Variants in TMEM74 observed in about 807,000 individuals in gnomAD.
TMEM74 encodes transmembrane protein 74.
A neutral mutation model predicts 18.1 loss-of-function variants in TMEM74; 13 were observed. The ratio of observed to expected loss-of-function variants is 0.72; its 90% CI spans 0.47 to 1.14. The LOEUF (loss-of-function observed/expected upper bound fraction) is 1.14. TMEM74 is among the 50% of genes most tolerant of loss of function. The pLI, the probability that TMEM74 is intolerant of heterozygous loss-of-function variation, is 0.00. For missense variants in TMEM74, 372 were observed against 375.9 expected (o/e 0.99, Z 0.09); for synonymous variants, 159 against 146.6 (o/e 1.08, Z -0.61).
intron 1 of TMEM74, among the ~76,000 whole-genome samples, chr8:108,726,742 C>T (rs914648069): frequency 1.3e-5 from 2 of 151,604 alleles, no homozygotes; most frequent in African/African-American, 4.9e-5. Context: ...TATATCAGTG[C>T]CAAAATAGAC....
Position 108,712,768 on chromosome 8 carries a change from C to T in TMEM74, n.120-57331G>A, listed in dbSNP as rs567015543. On this transcript the variant is annotated intron_variant and non_coding_transcript_variant, in intron 1 of 3. Transcript: ENST00000518838. ...TTTAATACAAGATGAAAACTCATAA[C>T]AAGCCTGTCAACTAAAACCAGGAAT... is the stretch of plus-strand genomic sequence containing the variant. 3.7e-4 allele frequency among the ~76,000 whole-genome samples: 57 copies of T among 152,192 alleles called. No homozygotes were observed. In the South Asian group the frequency reaches 6.4e-3, roughly 17 times the overall value.
intron 2 of TMEM74, among the ~76,000 whole-genome samples, chr8:108,614,209 G>A (rs1812361703): frequency 6.6e-6 from 1 of 152,014 alleles, no homozygotes; most frequent in Non-Finnish European, 1.5e-5. Flanking sequence ...AACAATTTCA[G>A]TTCAACATAT....
chr8:108,636,387 C>A (rs948401108), intron 2 of TMEM74, among the ~76,000 whole-genome samples: 5 of 152,032 alleles, frequency 3.3e-5, no homozygotes, highest in Admixed American at 6.6e-5. Context: ...CCATCAATGA[C>A]AAGTTTTTAA....
At position 108,709,808 on chromosome 8, in the gene TMEM74, G is replaced by A. The variant is rs140977402; in HGVS notation, n.120-54371C>T. Among the ~76,000 whole-genome samples the A allele has an allele frequency of 7.1e-3, 1,088 of 152,296 alleles. 9 individuals are homozygous for A. The highest frequency in any genetic ancestry group is 0.011 in the Non-Finnish European group (759 of 68,022). On this transcript the variant is annotated intron_variant and non_coding_transcript_variant, in intron 1 of 3. Coordinates refer to the TMEM74 transcript ENST00000518838. ...CCTTGATGTGGTGATGGTATATTGT[G>A]TTTGGATTGTCCAAACTCTTCAAAT...
chr8:108,659,805 T>C (rs1394129818), intron 1 of TMEM74, among the ~76,000 whole-genome samples: 2 of 152,052 alleles, frequency 1.3e-5, no homozygotes, highest in South Asian at 2.1e-4. Context: ...AGTTGTCAGC[T>C]CCCACAGGTT....
At chr8:108,660,993 A>G (rs1056641484) in intron 1 of TMEM74, among the ~76,000 whole-genome samples, 1 of 152,170 alleles carries the variant, frequency 6.6e-6, no homozygotes, top group Non-Finnish European at 1.5e-5. Context: ...GTGGTTTAGT[A>G]TTAAAAAGCA....
Position 108,753,534 on chromosome 8 carries a change from A to T in TMEM74, n.119+33942T>A, listed in dbSNP as rs145992406. On this transcript the variant is annotated intron_variant and non_coding_transcript_variant, in intron 1 of 3. Transcript: ENST00000518838. ...ACTTTAGGTGTTTCTTATTTGAAAT[A>T]ATTTCCTTATTTTATCTTTCAATAT... 1.8e-3 allele frequency among the ~76,000 whole-genome samples: 277 copies of T among 152,182 alleles called. 1 individual carries two copies. The highest frequency in any genetic ancestry group is 2.0e-3 in the Non-Finnish European group (136 of 67,988).
At chr8:108,715,410 G>A (rs1294629490) in intron 1 of TMEM74, among the ~76,000 whole-genome samples, 1 of 151,806 alleles carries the variant, frequency 6.6e-6, no homozygotes, top group African/African-American at 2.4e-5. Context: ...TGGCTCCTGA[G>A]CCTAAAATAG....
chr8:108,784,953 G>A lies in TMEM74; in HGVS notation c.146C>T (p.Thr49Ile), dbSNP rs766402324. The change falls in exon 2 of 2, where the codon ACC becomes ATC. Residue 49 changes from threonine (T) to isoleucine (I), a missense_variant. Thr to Ile is a moderately conservative substitution (Grantham distance 89). Transcript: ENST00000297459. The stretch of plus-strand genomic sequence containing the variant: ...CCCTTCCATCTCGGTTGCTCTTGGG[G>A]TGGATGCACACTGTTTCTGACAGCA... ...ALCCQKQCASTPRATEMEGSK... is the reference protein window; with the variant it reads ...ALCCQKQCASIPRATEMEGSK... 2 of 1,614,150 alleles carry A rather than the reference G, an allele frequency of 1.2e-6. No homozygotes were observed. Among genetic ancestry groups the A allele is most frequent in the Admixed American group, 1.7e-5 (1 of 60,028 alleles).
intron 1 of TMEM74, among the ~76,000 whole-genome samples, chr8:108,717,949 T>G (rs1316037682): frequency 3.5e-5 from 1 of 28,968 alleles, no homozygotes; most frequent in Non-Finnish European, 5.1e-5. Flanking sequence ...TAGGTTTTTT[T>G]TTTTTTTTTT....
At chr8:108,711,579 G>T (rs757476036) in intron 1 of TMEM74, among the ~76,000 whole-genome samples, 2 of 152,202 alleles carry the variant, frequency 1.3e-5, no homozygotes, top group Non-Finnish European at 2.9e-5. Flanking sequence ...ATGTGACCTT[G>T]TGAAGGAGAG....
chr8:108,698,139 T>G (rs546542590), intron 1 of TMEM74, among the ~76,000 whole-genome samples: 94 of 152,322 alleles, frequency 6.2e-4, no homozygotes, highest in African/African-American at 2.1e-3. Context: ...TCTTTCAGAA[T>G]GGTATAATCA....
intron 1 of TMEM74, among the ~76,000 whole-genome samples, chr8:108,735,650 T>C (rs1813741297): frequency 6.6e-6 from 1 of 152,224 alleles, no homozygotes; most frequent in African/African-American, 2.4e-5. Flanking sequence ...TTAAATGTTA[T>C]GAATAATCCC....
intron 1 of TMEM74, among the ~76,000 whole-genome samples, chr8:108,668,731 C>T (rs1026731514): frequency 3.0e-4 from 46 of 152,056 alleles, no homozygotes; most frequent in African/African-American, 1.0e-3. Flanking sequence ...CCTGATATAT[C>T]GGGGAAGTTT....
At chr8:108,759,782 G>T (rs930347001) in intron 1 of TMEM74, among the ~76,000 whole-genome samples, 1 of 152,104 alleles carries the variant, frequency 6.6e-6, no homozygotes, top group East Asian at 1.9e-4. Flanking sequence ...GGTGGAATGA[G>T]ATTTAAATTT....
chr8:108,650,357 G>A (rs151247192), intron 2 of TMEM74, among the ~76,000 whole-genome samples: 142 of 152,222 alleles, frequency 9.3e-4, no homozygotes, highest in African/African-American at 3.3e-3. Context: ...TCTCAACACA[G>A]TATCTGGAGT....
intron 1 of TMEM74, among the ~76,000 whole-genome samples, chr8:108,677,300 GTAAT>G (rs1216134841): frequency 1.4e-4 from 22 of 152,010 alleles, no homozygotes; most frequent in African/African-American, 4.8e-4. Context: ...TTGTAAAATT[GTAAT>G]TAATTAAACA....
At chr8:108,623,574 C>T (rs1248506697) in intron 2 of TMEM74, among the ~76,000 whole-genome samples, 2 of 152,068 alleles carry the variant, frequency 1.3e-5, no homozygotes, top group East Asian at 3.9e-4. Context: ...ATTTACTCAT[C>T]TTAGGCCAAC....
At position 108,634,617 on chromosome 8, in the gene TMEM74, A is replaced by G. The variant is rs114771960; in HGVS notation, n.264+20676T>C. 6.6e-3 allele frequency among the ~76,000 whole-genome samples: 1,009 copies of G among 152,068 alleles called. 9 individuals carry two copies. Among genetic ancestry groups the G allele is most frequent in the African/African-American group, 0.023 (957 of 41,528 alleles). On this transcript the variant is annotated intron_variant and non_coding_transcript_variant, in intron 2 of 3. Transcript: ENST00000518838. ...TCCATTTCCCTCCTTTACTCTGGCA[A>G]TGTGGCTGATTTTCAGGGGACTCTT...
Sources: allele counts gnomAD v4.1 joint callset (sites outside exome capture counted in the v4.1 genomes callset), GRCh38; gene constraint gnomAD v4.1.1; transcripts MANE v1.5; gene names NCBI Gene and HGNC (gene_info 2026-07-23, HGNC 2026-07-21).